Variants in FAM135B observed in about 807,000 individuals in gnomAD.
FAM135B encodes family with sequence similarity 135 member B.
Under a neutral mutation model 127.7 loss-of-function variants are expected in FAM135B, and 43 were observed. The ratio of observed to expected loss-of-function variants is 0.34; its 90% CI spans 0.26 to 0.43. The LOEUF is 0.43. Ranked by LOEUF, FAM135B falls within the 20% of genes least tolerant of loss-of-function variation. The pLI is 1.00. For synonymous variants in FAM135B, 670 were observed against 665.1 expected (o/e 1.01, Z -0.11); for missense variants, 1,558 against 1,725.6 (o/e 0.90, Z 1.72).
chr8:138,344,041 G>A (rs183796650), intron 2 of FAM135B, among the ~76,000 whole-genome samples: 1 of 152,314 alleles, frequency 6.6e-6, no homozygotes, highest in Non-Finnish European at 1.5e-5. Flanking sequence ...GGGATGAGGA[G>A]GGAGGCAGAC....
chr8:138,265,988 C>A, intron 3 of FAM135B, 146 bp from the exon 4 acceptor site: 2 of 758,394 alleles, frequency 2.6e-6, no homozygotes, highest in Non-Finnish European at 4.1e-6. Flanking sequence ...TAAATGAGAC[C>A]TCACCATATG....
At chr8:138,140,036 T>C (rs1816995093) in intron 17 of FAM135B, among the ~76,000 whole-genome samples, 2 of 152,200 alleles carry the variant, frequency 1.3e-5, no homozygotes, top group African/African-American at 4.8e-5. Context: ...TTAAAAAATA[T>C]TTTATGATGC....
chr8:138,133,397 T>C (rs1159662627), intron 19 of FAM135B, among the ~76,000 whole-genome samples: 6 of 152,218 alleles, frequency 3.9e-5, no homozygotes, highest in Admixed American at 1.3e-4. Flanking sequence ...CTTGGAGCCA[T>C]GCAGTGCAAT....
intron 10 of FAM135B, among the ~76,000 whole-genome samples, chr8:138,178,181 G>A (rs1353131638): frequency 6.6e-6 from 1 of 151,886 alleles, no homozygotes; most frequent in Admixed American, 6.6e-5. Flanking sequence ...CAGGGAGGTG[G>A]AGATTGCAGT....
At chr8:138,261,408 C>G (rs2130591789) in intron 4 of FAM135B, among the ~76,000 whole-genome samples, 1 of 152,292 alleles carries the variant, frequency 6.6e-6, no homozygotes, top group South Asian at 2.1e-4. Flanking sequence ...GTATCTTCTT[C>G]TTTGCTTTGC....
chr8:138,278,389 C>T (rs374683308), intron 3 of FAM135B, among the ~76,000 whole-genome samples: 9 of 151,630 alleles, frequency 5.9e-5, no homozygotes, highest in African/African-American at 1.5e-4. Context: ...AGTTAGCTCT[C>T]GTGTCAATGA....
chr8:138,433,053 CAG>C (rs747476203), intron 1 of FAM135B, among the ~76,000 whole-genome samples: 2 of 151,926 alleles, frequency 1.3e-5, no homozygotes, highest in Non-Finnish European at 2.9e-5. Flanking sequence ...CCACTGTATA[CAG>C]ATAGCAAAGG....
chr8:138,220,350 T>G (rs1353797612), intron 7 of FAM135B, among the ~76,000 whole-genome samples: 1 of 152,120 alleles, frequency 6.6e-6, no homozygotes, highest in Non-Finnish European at 1.5e-5. Flanking sequence ...CACCCTCTCC[T>G]CTGGGGCACC....
In FAM135B at chr8:138,442,168, A is replaced by G. The variant is rs575136730; in HGVS notation, c.-20+54503T>C. Among the ~76,000 whole-genome samples the G allele has an allele frequency of 5.4e-3, 792 of 146,522 alleles. 3 individuals carry two copies. The highest frequency in any genetic ancestry group is 7.4e-3 in the Non-Finnish European group (496 of 67,012). The stretch of plus-strand genomic sequence containing the variant: ...CCAAGGTATATGAAATAGAACTAGA[A>G]TACAGCTTGTCTTAGCCTAGCATCT... On this transcript the variant is annotated intron_variant, in intron 1 of 19. Transcript: ENST00000395297.
At chr8:138,278,564 T>C (rs924678467) in intron 3 of FAM135B, among the ~76,000 whole-genome samples, 1 of 127,334 alleles carries the variant, frequency 7.9e-6, no homozygotes, top group Non-Finnish European at 1.7e-5. Context: ...TTTTTTTTTT[T>C]TTTTTTTTTT....
chr8:138,332,831 C>T (rs1172984842), intron 2 of FAM135B, among the ~76,000 whole-genome samples: 2 of 152,114 alleles, frequency 1.3e-5, no homozygotes, highest in African/African-American at 4.8e-5. Flanking sequence ...GCTTTCTCAA[C>T]ATCTGTGTGG....
intron 1 of FAM135B, among the ~76,000 whole-genome samples, chr8:138,368,671 C>G (rs1830921404): frequency 6.6e-6 from 1 of 152,064 alleles, no homozygotes; most frequent in South Asian, 2.1e-4. Context: ...AGATGTTTAA[C>G]CCAACTTGAC....
intron 5 of FAM135B, 38 bp downstream of exon 5, chr8:138,256,651 C>T (rs1283385268): frequency 6.4e-7 from 1 of 1,558,550 alleles, no homozygotes; most frequent in Non-Finnish European, 8.8e-7. Context: ...GAGGAGAGCA[C>T]TGTGCTACTA....
chr8:138,319,131 G>T (rs1314922359), intron 2 of FAM135B, among the ~76,000 whole-genome samples: 2 of 152,020 alleles, frequency 1.3e-5, no homozygotes, highest in Non-Finnish European at 2.9e-5. Flanking sequence ...TTTTGAGACA[G>T]AGTCTTGCTC....
chr8:138,352,107 G>A (rs539639198), intron 2 of FAM135B, among the ~76,000 whole-genome samples: 1 of 152,184 alleles, frequency 6.6e-6, no homozygotes, highest in Non-Finnish European at 1.5e-5. Flanking sequence ...CATGAAGGCT[G>A]ACTGATTACA....
chr8:138,299,445 C>A (rs1587003940), intron 3 of FAM135B, among the ~76,000 whole-genome samples: 1 of 152,202 alleles, frequency 6.6e-6, no homozygotes, highest in Admixed American at 6.5e-5. Context: ...TCCACCAGAA[C>A]TGACACCCAC....
intron 1 of FAM135B, among the ~76,000 whole-genome samples, chr8:138,401,514 C>T (rs560734277): frequency 4.9e-4 from 75 of 152,276 alleles, no homozygotes; most frequent in Non-Finnish European, 8.4e-4. Context: ...GTGACAGCCA[C>T]GTGCTTAAAA....
Position 138,151,304 on chromosome 8 carries a change from G to T in FAM135B, c.3171C>A (p.Phe1057Leu), listed in dbSNP as rs2130723937. Residue 1057 changes from phenylalanine (F) to leucine (L), a missense_variant, in exon 13 of 20, where the codon TTC becomes TTA. Around this residue, in one of 5 missense-constraint regions of FAM135B, gnomAD observed 923 missense variants for 865.3 expected, o/e 1.07. Coordinates refer to ENST00000395297, the MANE Select transcript of FAM135B (RefSeq NM_015912.4). ...TGGGAAACAGGGTCTGTTTGGAAGA[G>T]AATCCAGCCCTGGCAGGGGTCTCCT... ...VPKETPARAG[F>L]SSKQTLFPIT... 6.2e-7 allele frequency: 1 copy of T among 1,614,042 alleles called. No homozygotes were observed. Among genetic ancestry groups the T allele is most frequent in the Non-Finnish European group, 8.5e-7 (1 of 1,180,012 alleles).
At chr8:138,140,923 G>T (rs1347892965) in intron 17 of FAM135B, among the ~76,000 whole-genome samples, 1 of 152,108 alleles carries the variant, frequency 6.6e-6, no homozygotes, top group South Asian at 2.1e-4. Flanking sequence ...ACAACACCGT[G>T]TCTTGTCAGT....
Sources: allele counts gnomAD v4.1 joint callset (sites outside exome capture counted in the v4.1 genomes callset), GRCh38; gene constraint gnomAD v4.1.1; regional missense constraint gnomAD v4.1.1; transcripts MANE v1.5; gene names NCBI Gene and HGNC (gene_info 2026-07-23, HGNC 2026-07-21).